The following NCAM2 variants were observed in gnomAD, a reference collection of about 807,000 sequenced individuals.
NCAM2 encodes the protein N-CAM-2.
NCAM2 carries 30 observed loss-of-function variants against 98.1 expected under a neutral mutation model. The ratio of observed to expected loss-of-function variants is 0.31; its 90% CI spans 0.23 to 0.41. The LOEUF is 0.41. Ranked by LOEUF, NCAM2 falls within the 10% of genes least tolerant of loss-of-function variation. The pLI, the probability that NCAM2 is intolerant of heterozygous loss-of-function variation, is 1.00. For synonymous variants in NCAM2, 368 were observed against 342.4 expected (o/e 1.07, Z -0.83); for missense variants, 867 against 1,005.8 (o/e 0.86, Z 1.87).
At position 21,120,243 on chromosome 21, in the gene NCAM2, A is replaced by G. The variant is rs150914772; in HGVS notation, c.55+121625A>G. Reference sequence around the variant, plus strand: ...TTAACAGCTTTATTAATGATTTGCAAGGATAATGACACAGATAAATTCGGA... The same window carrying G: ...TTAACAGCTTTATTAATGATTTGCAGGGATAATGACACAGATAAATTCGGA... On this transcript the variant is annotated intron_variant, in intron 1 of 17. Coordinates refer to ENST00000400546, the MANE Select transcript of NCAM2 (RefSeq NM_004540.5). Among the ~76,000 whole-genome samples the G allele has an allele frequency of 8.0e-3, 1,216 of 152,324 alleles. 14 individuals carry two copies. Among genetic ancestry groups the G allele is most frequent in the South Asian group, 0.027 (129 of 4,832 alleles).
chr21:21,323,559 G>T (rs2074432452), intron 5 of NCAM2, among the ~76,000 whole-genome samples: 1 of 152,076 alleles, frequency 6.6e-6, no homozygotes, highest in Admixed American at 6.6e-5. Context: ...ATAAAAGTGT[G>T]CATTGAGTCA....
chr21:21,020,596 A>G (rs1446047138), intron 1 of NCAM2, among the ~76,000 whole-genome samples: 1 of 152,146 alleles, frequency 6.6e-6, no homozygotes, highest in East Asian at 1.9e-4. Flanking sequence ...GCTCCACCTC[A>G]GCTCCCACTG....
At position 21,395,712 on chromosome 21, in the gene NCAM2, A is replaced by T. The variant is rs553436707; in HGVS notation, c.1196-14562A>T. On this transcript the variant is annotated intron_variant, in intron 9 of 17. Transcript: ENST00000400546. ...AGAGAACTCAGAAACAAAGCCAAAT[A>T]CTTACAGCCAACTGATCTTTGACAA... Among the ~76,000 whole-genome samples, 10 of 152,300 alleles carry T rather than the reference A, an allele frequency of 6.6e-5. No homozygotes were observed. The South Asian group carries it at 2.1e-3, about 32-fold the overall frequency.
chr21:21,082,315 G>C (rs1410470895), intron 1 of NCAM2, among the ~76,000 whole-genome samples: 1 of 141,044 alleles, frequency 7.1e-6, no homozygotes, highest in Non-Finnish European at 1.5e-5. Context: ...ACACCTTATT[G>C]ATTGCAGTAA....
chr21:21,533,166 C>CTTTTTTTTTTTTTTTTTTTTTT lies in NCAM2; in HGVS notation c.2283-1358_2283-1357insTTTTTTTTTTTTTTTTTTTTTT, dbSNP rs201532023. 3.5e-4 allele frequency among the ~76,000 whole-genome samples: 33 copies of CTTTTTTTTTTTTTTTTTTTTTT among 93,786 alleles called. 2 individuals carry two copies. Among genetic ancestry groups the CTTTTTTTTTTTTTTTTTTTTTT allele is most frequent in the African/African-American group, 4.2e-4 (10 of 24,046 alleles). 61.5% of individuals were successfully genotyped at this position (93,786 alleles called of 152,430 possible). A position where few individuals can be genotyped will look rare whatever the true frequency, so the allele number is the denominator to read the frequency against. ...CCATTGTAGATTTGTTGTTTGCTTG[C>CTTTTTTTTTTTTTTTTTTTTTT]TTTTTTTTTTTTTGGTAATCCTAGT... On this transcript the variant is annotated intron_variant, in intron 16 of 17. Coordinates refer to ENST00000400546, the MANE Select transcript of NCAM2 (RefSeq NM_004540.5).
intron 1 of NCAM2, among the ~76,000 whole-genome samples, chr21:21,125,714 T>TATAGAGAG (rs1555887746): frequency 0.11 from 14,767 of 134,162 alleles, 923 homozygotes; most frequent in Non-Finnish European, 0.14. Flanking sequence ...TATATATATA[T>TATAGAGAG]AGAGAGAGAG....
intron 1 of NCAM2, among the ~76,000 whole-genome samples, chr21:21,073,463 A>G (rs773349035): frequency 2.0e-5 from 3 of 152,224 alleles, no homozygotes; most frequent in African/African-American, 4.8e-5. Flanking sequence ...ATAAAGGCAT[A>G]TATGACTCTA....
At chr21:21,318,837 G>C (rs1172692358) in intron 5 of NCAM2, among the ~76,000 whole-genome samples, 2 of 152,156 alleles carry the variant, frequency 1.3e-5, no homozygotes, top group Non-Finnish European at 2.9e-5. Context: ...GTTTGAGTAA[G>C]AGTGAAGACT....
At chr21:21,283,077 G>C (rs1156803945) in intron 2 of NCAM2, among the ~76,000 whole-genome samples, 1 of 151,790 alleles carries the variant, frequency 6.6e-6, no homozygotes, top group Non-Finnish European at 1.5e-5. Context: ...CTCTTCAAAT[G>C]CATTACTCTG....
intron 15 of NCAM2, among the ~76,000 whole-genome samples, chr21:21,486,159 C>T (rs1032102888): frequency 2.6e-5 from 4 of 151,898 alleles, no homozygotes; most frequent in Non-Finnish European, 4.4e-5. Context: ...AAAAAATTAG[C>T]CGGGCGTGGT....
At chr21:21,186,658 G>T (rs1018509691) in intron 1 of NCAM2, among the ~76,000 whole-genome samples, 1 of 151,922 alleles carries the variant, frequency 6.6e-6, no homozygotes. Flanking sequence ...AGAATTATTT[G>T]GACATAAACA....
intron 12 of NCAM2, among the ~76,000 whole-genome samples, chr21:21,460,538 G>A (rs1033491976): frequency 6.6e-6 from 1 of 152,070 alleles, no homozygotes; most frequent in Non-Finnish European, 1.5e-5. Context: ...GAGTGCATTT[G>A]TAATAAAGGA....
chr21:21,047,923 C>T (rs955168781), intron 1 of NCAM2, among the ~76,000 whole-genome samples: 2 of 152,122 alleles, frequency 1.3e-5, no homozygotes, highest in Non-Finnish European at 2.9e-5. Flanking sequence ...ACTTAATTTC[C>T]AATCTGACTC....
intron 15 of NCAM2, among the ~76,000 whole-genome samples, chr21:21,490,652 C>A (rs1420443180): frequency 6.6e-6 from 1 of 151,772 alleles, no homozygotes; most frequent in Non-Finnish European, 1.5e-5. Flanking sequence ...CAAGCAATTA[C>A]AACTACTGTT....
At chr21:21,080,154 T>C (rs995195839) in intron 1 of NCAM2, among the ~76,000 whole-genome samples, 1 of 152,188 alleles carries the variant, frequency 6.6e-6, no homozygotes, top group African/African-American at 2.4e-5. Flanking sequence ...ATTGCCGTAA[T>C]AGTAATGATG....
At chr21:21,263,125 A>C (rs1458553123) in intron 1 of NCAM2, among the ~76,000 whole-genome samples, 2 of 152,130 alleles carry the variant, frequency 1.3e-5, no homozygotes, top group African/African-American at 4.8e-5. Flanking sequence ...CCTCCAGTGG[A>C]CTTCCAGACC....
intron 2 of NCAM2, among the ~76,000 whole-genome samples, chr21:21,282,448 C>T (rs2072961335): frequency 6.6e-6 from 1 of 151,458 alleles, no homozygotes. Flanking sequence ...GATGTATCAC[C>T]TAGAGCTTTT....
intron 11 of NCAM2, among the ~76,000 whole-genome samples, chr21:21,419,209 A>G (rs1005784373): frequency 2.6e-5 from 4 of 151,900 alleles, no homozygotes; most frequent in Non-Finnish European, 5.9e-5. Context: ...CTATACAGTG[A>G]GCATGTACAA....
intron 8 of NCAM2, among the ~76,000 whole-genome samples, chr21:21,368,043 G>A (rs973418): frequency 0.018 from 2,668 of 151,440 alleles, 75 homozygotes; most frequent in East Asian, 0.14. Flanking sequence ...TCTCTAAAAG[G>A]TTTATTCTAC....
Sources: allele counts gnomAD v4.1 joint callset (sites outside exome capture counted in the v4.1 genomes callset), GRCh38; gene constraint gnomAD v4.1.1; transcripts MANE v1.5; gene names NCBI Gene and HGNC (gene_info 2026-07-23, HGNC 2026-07-21).